Variants in GABRG2 observed in about 807,000 individuals in gnomAD.
GABRG2 encodes the protein gamma-aminobutyric acid type A receptor subunit gamma2, also known as gamma-aminobutyric acid receptor subunit gamma-2.
Under a neutral mutation model 56.4 loss-of-function variants are expected in GABRG2, and 16 were observed. The observed-to-expected ratio is 0.28, with a 90% CI of 0.19 to 0.43. The LOEUF is 0.43. Ranked by LOEUF, GABRG2 falls within the 20% of genes least tolerant of loss-of-function variation. The pLI, the probability that GABRG2 is intolerant of heterozygous loss-of-function variation, is 1.00. For missense variants in GABRG2, 327 were observed against 582.7 expected, an observed-to-expected ratio of 0.56 and a Z score of 4.52; for synonymous variants, 208 against 205.5, an observed-to-expected ratio of 1.01 and a Z score of -0.10.
chr5:162,100,443 A>G (rs1380572001), intron 4 of GABRG2: 1 of 152,164 alleles, frequency 6.6e-6, no homozygotes, highest in African/African-American at 2.4e-5. Flanking sequence ...ACAATTTGAG[A>G]TTATATTCAT....
chr5:162,070,861 A>G (rs1758618328), intron 1 of GABRG2, among the ~76,000 whole-genome samples: 1 of 151,910 alleles, frequency 6.6e-6, no homozygotes, highest in Non-Finnish European at 1.5e-5. Flanking sequence ...CAACAGGAGT[A>G]TTTTCAACAA....
chr5:162,105,432 C>CTTTTTTTTTTTTTTTTTTTTT lies in GABRG2; in HGVS notation c.769+1421_769+1422insTTTTTTTTTTTTTTTTTTTTT, dbSNP rs533258756. 6.7e-5 allele frequency among the ~76,000 whole-genome samples: 7 copies of CTTTTTTTTTTTTTTTTTTTTT among 104,136 alleles called. 1 individual carries two copies. Among genetic ancestry groups the CTTTTTTTTTTTTTTTTTTTTT allele is most frequent in the African/African-American group, 2.5e-4 (7 of 27,752 alleles). 68.3% of individuals were successfully genotyped at this position (104,136 alleles called of 152,430 possible). ...GACCATCAAGTATTAGTAGAACAAT[C>CTTTTTTTTTTTTTTTTTTTTT]TTTTTTTTTTTTTTTGAGAAGGAGT... On this transcript the variant is annotated intron_variant, in intron 6 of 9. Transcript: ENST00000639213.
At chr5:162,068,556 C>T (rs923711142) in intron 1 of GABRG2, among the ~76,000 whole-genome samples, 4 of 151,738 alleles carry the variant, frequency 2.6e-5, no homozygotes, top group South Asian at 2.1e-4. Context: ...CGGCGGGCGG[C>T]CCTGTTCCTG....
At chr5:162,133,751 A>C (rs1242726481) in intron 6 of GABRG2, among the ~76,000 whole-genome samples, 1 of 152,122 alleles carries the variant, frequency 6.6e-6, no homozygotes, top group Non-Finnish European at 1.5e-5. Context: ...TTGCATAAAG[A>C]GAATTTTCTA....
intron 6 of GABRG2, among the ~76,000 whole-genome samples, chr5:162,137,603 A>T (rs1443746590): frequency 3.3e-5 from 5 of 152,082 alleles, no homozygotes; most frequent in African/African-American, 1.2e-4. Context: ...TTCTTTATGT[A>T]CTGGTCATAT....
intron 6 of GABRG2, among the ~76,000 whole-genome samples, chr5:162,108,556 C>T (rs1416216471): frequency 6.6e-6 from 1 of 152,100 alleles, no homozygotes; most frequent in African/African-American, 2.4e-5. Context: ...GATCTTAATA[C>T]CAAAACAACT....
intron 1 of GABRG2, among the ~76,000 whole-genome samples, chr5:162,088,870 C>A (rs2113258993): frequency 6.6e-6 from 1 of 152,118 alleles, no homozygotes; most frequent in South Asian, 2.1e-4. Context: ...AAAGTTATAC[C>A]TAGAACATAG....
intron 1 of GABRG2, among the ~76,000 whole-genome samples, chr5:162,073,191 C>A (rs1758811667): frequency 6.6e-6 from 1 of 151,948 alleles, no homozygotes; most frequent in East Asian, 1.9e-4. Context: ...CCACCAATAA[C>A]ATCACTATTA....
In GABRG2 at chr5:162,093,816, G is replaced by A; in HGVS notation, c.108-12G>A. On this transcript the variant is annotated splice_polypyrimidine_tract_variant and intron_variant, in intron 1 of 9. Transcript: ENST00000639213. ...AATCTATGTGTTTTTTGACCAATAT[G>A]TTTTTTCTTAGCTTCACTAGCCAGA... is the stretch of plus-strand genomic sequence containing the variant. 1 of 1,612,126 alleles carries A rather than the reference G, an allele frequency of 6.2e-7. No homozygotes were observed. Among genetic ancestry groups the A allele is most frequent in the Non-Finnish European group, 8.5e-7 (1 of 1,178,750 alleles).
intron 2 of GABRG2, among the ~76,000 whole-genome samples, chr5:162,095,075 A>G (rs1031924449): frequency 6.6e-6 from 1 of 152,236 alleles, no homozygotes; most frequent in Non-Finnish European, 1.5e-5. Flanking sequence ...TCATGTTCTG[A>G]ATGCATATTT....
intron 1 of GABRG2, among the ~76,000 whole-genome samples, chr5:162,081,341 AG>A (rs1164463553): frequency 6.6e-6 from 1 of 152,078 alleles, no homozygotes; most frequent in Non-Finnish European, 1.5e-5. Flanking sequence ...TGTATTTTTA[AG>A]TTATCATACA....
intron 1 of GABRG2, among the ~76,000 whole-genome samples, chr5:162,090,274 G>A (rs381647): frequency 6.4e-4 from 97 of 151,432 alleles, no homozygotes; most frequent in African/African-American, 2.1e-3. Context: ...ACACGTACAC[G>A]TACACTTACA....
At chr5:162,112,322 C>T (rs188722941) in intron 6 of GABRG2, among the ~76,000 whole-genome samples, 117 of 151,912 alleles carry the variant, frequency 7.7e-4, no homozygotes, top group African/African-American at 2.7e-3. Flanking sequence ...TATTTTGCTA[C>T]ATTTAAGAGA....
intron 1 of GABRG2, among the ~76,000 whole-genome samples, chr5:162,071,583 A>G (rs1385744523): frequency 1.3e-5 from 2 of 151,904 alleles, no homozygotes; most frequent in Non-Finnish European, 2.9e-5. Flanking sequence ...GATGTTTCTT[A>G]TGAGCTGCTA....
intron 7 of GABRG2, among the ~76,000 whole-genome samples, chr5:162,148,311 C>T (rs1765108382): frequency 6.6e-6 from 1 of 152,162 alleles, no homozygotes; most frequent in Non-Finnish European, 1.5e-5. Flanking sequence ...ATGAAAATAC[C>T]TGCTGTGAAG....
intron 6 of GABRG2, among the ~76,000 whole-genome samples, chr5:162,127,241 G>GT (rs1056220654): frequency 5.3e-5 from 8 of 151,788 alleles, no homozygotes; most frequent in South Asian, 2.1e-4. Context: ...TATAAATGTA[G>GT]TTTTTTTCAT....
intron 5 of GABRG2, chr5:162,103,521 C>T (rs143269552): frequency 1.4e-4 from 30 of 216,940 alleles, no homozygotes; most frequent in Non-Finnish European, 1.6e-4. Context: ...CTGTTAACTG[C>T]CTTTCACTGT....
Position 162,068,112 on chromosome 5 carries a change from A to G in GABRG2, c.107+6A>G, listed in dbSNP as rs868452487. The G allele has an allele frequency of 1.9e-6, 3 of 1,590,752 alleles. No homozygotes were observed. The Middle Eastern group carries it at 5.0e-4, about 265-fold the overall frequency. ...CTGCTGTCGCTCTACCCTGGGTAAG[A>G]TGTGCCCTTTTTGGCGTCGTTTTGT... On this transcript the variant is annotated splice_donor_region_variant and intron_variant, in intron 1 of 9. Transcript: ENST00000639213.
At chr5:162,081,853 A>T (rs912007282) in intron 1 of GABRG2, among the ~76,000 whole-genome samples, 1 of 151,904 alleles carries the variant, frequency 6.6e-6, no homozygotes, top group African/African-American at 2.4e-5. Flanking sequence ...ACAGTTTAGG[A>T]TTTTCTTATA....
Sources: allele counts gnomAD v4.1 joint callset (sites outside exome capture counted in the v4.1 genomes callset), GRCh38; gene constraint gnomAD v4.1.1; transcripts MANE v1.5; gene names NCBI Gene and HGNC (gene_info 2026-07-23, HGNC 2026-07-21).